Variants in ENTREP1 observed in about 807,000 individuals in gnomAD.
The protein encoded by ENTREP1 is endosomal transmembrane epsin interactor 1.
the ENTREP1 span, among the ~76,000 whole-genome samples, chr9:69,389,551 G>C: frequency 0.05 from 7,612 of 152,178 alleles, 252 homozygotes; most frequent in Non-Finnish European, 0.063. Context: ...TGACGGTTCC[G>C]GGTGAGGCTC....
chr9:69,383,619 G>A, the ENTREP1 span: 82 of 1,613,848 alleles, frequency 5.1e-5, no homozygotes, highest in Middle Eastern at 1.7e-4. Flanking sequence ...ACGCCAAGTC[G>A]CTTTTCCTAG....
the ENTREP1 span, among the ~76,000 whole-genome samples, chr9:69,375,441 T>G: frequency 6.6e-6 from 1 of 152,210 alleles, no homozygotes; most frequent in African/African-American, 2.4e-5. Context: ...CTTCATCTCA[T>G]TTAGCTGCTT....
chr9:69,325,119 G>A, the ENTREP1 span: 3 of 985,278 alleles, frequency 3.0e-6, no homozygotes, highest in African/African-American at 1.7e-5. Flanking sequence ...GCAGGTGGGT[G>A]CGGCCGGCTG....
chr9:69,340,731 G>A, the ENTREP1 span, among the ~76,000 whole-genome samples: 216 of 135,064 alleles, frequency 1.6e-3, 2 homozygotes, highest in South Asian at 3.0e-3. Flanking sequence ...GCATGTGTGT[G>A]TGTATGTGTG....
chr9:69,376,987 A>G, the ENTREP1 span, among the ~76,000 whole-genome samples: 1 of 152,112 alleles, frequency 6.6e-6, no homozygotes, highest in African/African-American at 2.4e-5. Flanking sequence ...AGGCTGTGGG[A>G]GGGAGGAGGC....
the ENTREP1 span, among the ~76,000 whole-genome samples, chr9:69,371,064 CTG>C: frequency 6.6e-5 from 10 of 152,134 alleles, no homozygotes; most frequent in African/African-American, 1.2e-4. Context: ...CATTTACATA[CTG>C]TGATTTCTGG....
the ENTREP1 span, chr9:69,382,743 TC>T: frequency 1.3e-5 from 2 of 152,292 alleles, no homozygotes; most frequent in Non-Finnish European, 2.9e-5. Context: ...AACTATAAAT[TC>T]AGAGAACACT....
the ENTREP1 span, chr9:69,388,281 A>C: frequency 6.2e-7 from 1 of 1,614,026 alleles, no homozygotes; most frequent in African/African-American, 1.3e-5. Flanking sequence ...TCTTTGATAG[A>C]TTACAAATCC....
At chr9:69,326,577 TC>T in the ENTREP1 span, among the ~76,000 whole-genome samples, 653 of 152,036 alleles carry the variant, frequency 4.3e-3, 2 homozygotes, top group African/African-American at 0.015. Context: ...GGGTGGCCAC[TC>T]CCCCCTGCCT....
chr9:69,325,149 G>A, the ENTREP1 span: 4 of 1,035,736 alleles, frequency 3.9e-6, no homozygotes, highest in African/African-American at 1.7e-5. Context: ...CAGCGGCAGC[G>A]GCGGCAGCAA....
At chr9:69,348,954 C>T in the ENTREP1 span, among the ~76,000 whole-genome samples, 4 of 151,858 alleles carry the variant, frequency 2.6e-5, no homozygotes, top group Admixed American at 1.3e-4. Context: ...GAGGCTGAGG[C>T]GGGTGGATCA....
At chr9:69,327,995 C>A in the ENTREP1 span, among the ~76,000 whole-genome samples, 1 of 152,134 alleles carries the variant, frequency 6.6e-6, no homozygotes, top group Non-Finnish European at 1.5e-5. Context: ...GGGAAAAAAG[C>A]CTTGTATCAC....
At chr9:69,352,255 AT>A in the ENTREP1 span, among the ~76,000 whole-genome samples, 1 of 152,198 alleles carries the variant, frequency 6.6e-6, no homozygotes, top group Admixed American at 6.5e-5. Flanking sequence ...AGTAGCTGGG[AT>A]TATAGGCTTG....
At chr9:69,331,847 T>A in the ENTREP1 span, among the ~76,000 whole-genome samples, 1 of 152,116 alleles carries the variant, frequency 6.6e-6, no homozygotes, top group African/African-American at 2.4e-5. Flanking sequence ...GTGATACAGT[T>A]AAACATTTGA....
At chr9:69,339,289 G>T in the ENTREP1 span, among the ~76,000 whole-genome samples, 1 of 152,092 alleles carries the variant, frequency 6.6e-6, no homozygotes, top group Non-Finnish European at 1.5e-5. Flanking sequence ...CCAAAGTTCT[G>T]GGATTACAGG....
the ENTREP1 span, chr9:69,371,177 A>G: frequency 6.0e-6 from 2 of 334,776 alleles, no homozygotes; most frequent in South Asian, 2.8e-5. Context: ...CTAAAGGAAA[A>G]AAAATAAGAG....
At chr9:69,364,275 C>T in the ENTREP1 span, among the ~76,000 whole-genome samples, 1 of 152,106 alleles carries the variant, frequency 6.6e-6, no homozygotes, top group Non-Finnish European at 1.5e-5. Context: ...AAAAGTCTCA[C>T]AGAATTGGCC....
chr9:69,369,594 C>CTTTT, the ENTREP1 span, among the ~76,000 whole-genome samples: 109 of 145,220 alleles, frequency 7.5e-4, no homozygotes, highest in South Asian at 3.3e-3. Flanking sequence ...AGATGATGAG[C>CTTTT]TTTTTTTTTT....
the ENTREP1 span, among the ~76,000 whole-genome samples, chr9:69,390,095 C>T: frequency 6.6e-6 from 1 of 152,224 alleles, no homozygotes; most frequent in Non-Finnish European, 1.5e-5. Flanking sequence ...GATATCAAAA[C>T]CACTTGTCCT....
Sources: gnomAD v4.1 joint callset for allele counts (sites outside exome capture counted in the v4.1 genomes callset) on GRCh38, gnomAD v4.1.1 for gene constraint, MANE v1.5 for transcripts, NCBI Gene and HGNC (gene_info 2026-07-23, HGNC 2026-07-21) for gene names.